The following DNAI2 variants were observed in gnomAD, a reference collection of about 807,000 sequenced individuals.
DNAI2 encodes the protein dynein, axonemal, intermediate polypeptide 2.
DNAI2 carries 63 observed loss-of-function variants against 74.7 expected under a neutral mutation model. The observed-to-expected ratio is 0.84, with a 90% CI of 0.69 to 1.04. The LOEUF is 1.04. DNAI2 is among the 50% of genes least tolerant of loss of function. DNAI2 has a pLI of 0.00. For synonymous variants in DNAI2, 289 were observed against 314.9 expected (o/e 0.92, Z 0.87); for missense variants, 688 against 803.2 (o/e 0.86, Z 1.73).
In DNAI2 at chr17:74,305,244, A is replaced by T; in HGVS notation, c.1013A>T (p.Glu338Val). ...CCCACCAAGTTCATGGTGGGGACCGAGCAGGGCATCGTCATCTCCTGCAAC... is the reference window on the plus strand; with the variant it reads ...CCCACCAAGTTCATGGTGGGGACCGTGCAGGGCATCGTCATCTCCTGCAAC... ...TLPTKFMVGT[E>V]QGIVISCNRK... Residue 338 changes from glutamate (E) to valine (V), a missense_variant, in exon 9 of 14, where the codon GAG becomes GTG. Physicochemically the swap from Glu to Val is moderately radical, Grantham distance 121. Coordinates refer to ENST00000311014, the MANE Select transcript of DNAI2 (RefSeq NM_023036.6). 1.2e-6 allele frequency: 2 copies of T among 1,614,134 alleles called. No individual in the cohort carries two copies. Among genetic ancestry groups the T allele is most frequent in the Non-Finnish European group, 1.7e-6 (2 of 1,180,022 alleles).
chr17:74,299,987 T>G, intron 7 of DNAI2, 130 bp downstream of exon 7: 1 of 1,396,858 alleles, frequency 7.2e-7, no homozygotes. Context: ...TCACTCTTGT[T>G]GCCCAGGCTG....
In DNAI2 at chr17:74,285,139, C is replaced by T. The variant is rs779268065; in HGVS notation, c.283C>T (p.Arg95Cys). ...VNPLELEQTI[R>C]FRKKVEKDEN... ...CCCCCTGGAGCTGGAGCAGACCATC[C>T]GTTTCCGGAAGAAAGTGGAGAAAGA... Residue 95 changes from arginine (R) to cysteine (C), a missense_variant, in exon 3 of 14, where the codon CGT (arginine) becomes TGT (cysteine). Transcript: ENST00000311014. 4.3e-6 allele frequency: 7 copies of T among 1,614,094 alleles called. No individual in the cohort carries two copies. Among genetic ancestry groups the T allele is most frequent in the African/African-American group, 2.7e-5 (2 of 74,930 alleles).
intron 1 of DNAI2, 198 bp from the exon 2 acceptor site, chr17:74,281,609 A>C (rs1295916712): frequency 1.6e-6 from 1 of 617,270 alleles, no homozygotes; most frequent in East Asian, 2.7e-5. Context: ...AAACAGGGTA[A>C]TGCTTAGCAT....
intron 6 of DNAI2, among the ~76,000 whole-genome samples, chr17:74,295,331 G>A (rs1027619903): frequency 2.0e-5 from 3 of 151,970 alleles, no homozygotes; most frequent in Admixed American, 1.3e-4. Context: ...GAACCCAGGA[G>A]GCAGAGGTTG....
rs771816059 is a variant in DNAI2 at position 74,312,224 on chromosome 17, A to C, written c.1716A>C (p.Pro572=). The change falls in exon 12 of 14, where the codon CCA becomes CCC. Residue 572 remains proline (P), a synonymous_variant. Coordinates refer to ENST00000311014, the MANE Select transcript of DNAI2 (RefSeq NM_023036.6). ...AGGCAGACGCCATAAAGCTGACGCC[A>C]GTGCCTGTAGGGGCCTGGACAGGGG... is the stretch of plus-strand genomic sequence containing the variant. The part of the protein sequence containing the change: ...KKEADAIKLT[P]VPQQPSPEED... 2 of 1,556,896 alleles carry C rather than the reference A, an allele frequency of 1.3e-6. No homozygotes were observed. Among genetic ancestry groups the C allele is most frequent in the African/African-American group, 3.1e-5 (2 of 64,618 alleles).
At chr17:74,278,721 G>A (rs931906655) in intron 1 of DNAI2, among the ~76,000 whole-genome samples, 4 of 151,694 alleles carry the variant, frequency 2.6e-5, no homozygotes, top group African/African-American at 9.7e-5. Flanking sequence ...AGGTTGCAGT[G>A]AGCAGATATG....
intron 11 of DNAI2, among the ~76,000 whole-genome samples, chr17:74,311,753 G>A (rs561234655): frequency 7.2e-5 from 11 of 152,294 alleles, no homozygotes; most frequent in South Asian, 4.1e-4. Flanking sequence ...TCCAAAGGGC[G>A]CTCTTCTGCC....
At position 74,291,143 on chromosome 17, in the gene DNAI2, G is replaced by C; in HGVS notation, c.724+10G>C. 1 of 1,573,612 alleles carries C rather than the reference G, an allele frequency of 6.4e-7. No individual in the cohort carries two copies. The highest frequency in any genetic ancestry group is 8.7e-7 in the Non-Finnish European group (1 of 1,147,148). ...TACAATGGACAGATAGGTAAGGAGGGACCTAGGCTTTTTTATTTTTATTTT... is the reference window on the plus strand; with the variant it reads ...TACAATGGACAGATAGGTAAGGAGGCACCTAGGCTTTTTTATTTTTATTTT... On this transcript the variant is annotated intron_variant, in intron 6 of 13. Coordinates refer to ENST00000311014, the MANE Select transcript of DNAI2 (RefSeq NM_023036.6).
intron 2 of DNAI2, 86 bp from the exon 3 acceptor site, chr17:74,284,954 C>A: frequency 6.4e-7 from 1 of 1,572,940 alleles, no homozygotes; most frequent in Admixed American, 1.7e-5. Flanking sequence ...GCCCTGGGAG[C>A]CCCCGTGGGA....
chr17:74,314,067 G>T (rs1021548357), intron 12 of DNAI2, 54 bp from the exon 13 acceptor site: 13 of 1,612,396 alleles, frequency 8.1e-6, no homozygotes, highest in Non-Finnish European at 1.1e-5. Flanking sequence ...CAGGGGAGTG[G>T]GGAAGGCCTG....
intron 1 of DNAI2, among the ~76,000 whole-genome samples, chr17:74,280,981 G>T (rs1216166975): frequency 6.6e-6 from 1 of 151,310 alleles, no homozygotes; most frequent in African/African-American, 2.4e-5. Context: ...CCAGCTACTT[G>T]GGAGGCTGAG....
rs987120398 is a variant in DNAI2 at position 74,312,846 on chromosome 17, C to T, written c.1722+616C>T. On this transcript the variant is annotated intron_variant, in intron 12 of 13. Transcript: ENST00000311014. ...TCTTCCAGGCCCTCTTTTGTACCAG[C>T]GGAGAGAGGAAGAAAAGACATTGCC... Among the ~76,000 whole-genome samples, 9 of 152,250 alleles carry T rather than the reference C, an allele frequency of 5.9e-5. 1 individual carries two copies. Among genetic ancestry groups the T allele is most frequent in the East Asian group, 1.9e-4 (1 of 5,184 alleles).
At chr17:74,279,874 G>C (rs1373584051) in intron 1 of DNAI2, among the ~76,000 whole-genome samples, 2 of 152,134 alleles carry the variant, frequency 1.3e-5, no homozygotes, top group Admixed American at 6.5e-5. Flanking sequence ...ATCTACCAAG[G>C]CAAGCTCTCC....
chr17:74,314,174 G>GGGGGAAGAAGGGGATGAAGAA lies in DNAI2; in HGVS notation c.1778_1798dup (p.Gly593_Glu599dup). On this transcript the variant is annotated inframe_insertion, in exon 13 of 14. Transcript: ENST00000311014. ...TGGTGGAGGAGGGAGAGGAAGCAGC[G>GGGGGAAGAAGGGGATGAAGAA]GGGGAAGAAGGGGATGAAGAAGTGG... The GGGGGAAGAAGGGGATGAAGAA allele has an allele frequency of 6.2e-7, 1 of 1,614,198 alleles. No homozygotes were observed. The highest frequency in any genetic ancestry group is 8.5e-7 in the Non-Finnish European group (1 of 1,180,006).
chr17:74,314,337 G>A lies in DNAI2; in HGVS notation c.*55+66G>A, dbSNP rs2054400. ...TTAAAGCAGCACTGGGTGGTGGGCT[G>A]GGAGCATCGGGCCCTGACTCCCCAG... is the stretch of plus-strand genomic sequence containing the variant. On this transcript the variant is annotated intron_variant, in intron 13 of 13. Coordinates refer to ENST00000311014, the MANE Select transcript of DNAI2 (RefSeq NM_023036.6). The A allele has an allele frequency of 0.93, 1,480,612 of 1,586,508 alleles. 693,774 individuals are homozygous for A. The highest frequency in any genetic ancestry group is 0.98 in the East Asian group (42,599 of 43,374).
rs757805725 is a variant in DNAI2, at chr17:74,305,393, GC to G, written c.1165del (p.Arg389AlafsTer30). ...CTTCCTGACGGTTGGCGACTGGACAGCCCGCATTTGGTCTGAAGACAGCCGG... is the reference window on the plus strand; with the variant it reads ...CTTCCTGACGGTTGGCGACTGGACAGCCGCATTTGGTCTGAAGACAGCCGG... ...KNFLTVGDWT[A>X]RIWSEDSRES... is the part of the protein sequence containing the mutation. On this transcript the variant is annotated frameshift_variant, in exon 9 of 14. Coordinates refer to ENST00000311014, the MANE Select transcript of DNAI2 (RefSeq NM_023036.6). LOFTEE classifies it high-confidence loss of function. The G allele has an allele frequency of 6.2e-7, 1 of 1,614,194 alleles. No individual in the cohort carries two copies. Among genetic ancestry groups the G allele is most frequent in the South Asian group, 1.1e-5 (1 of 91,080 alleles).
In DNAI2 at chr17:74,292,811, G is replaced by GCTTATTGTC. The variant is rs2052195043; in HGVS notation, c.724+1680_724+1688dup. Among the ~76,000 whole-genome samples the GCTTATTGTC allele has an allele frequency of 6.7e-5, 10 of 149,912 alleles. No individual in the cohort carries two copies. The South Asian group carries it at 2.1e-3, about 32-fold the overall frequency. ...TGAGCACTTGAGAAGACTATATTCT[G>GCTTATTGTC]CTTATTGTCCGGTGTAGTTTTCCTT... On this transcript the variant is annotated intron_variant, in intron 6 of 13. Transcript: ENST00000311014.
rs907013660 is a variant in DNAI2, at chr17:74,305,588, G to A, written c.1211+146G>A. ...AACACCCGAGCTCGTGTTAGCAAGTGACTTGCTCCAGCCACTCCACAAAGT... is the reference window on the plus strand; with the variant it reads ...AACACCCGAGCTCGTGTTAGCAAGTAACTTGCTCCAGCCACTCCACAAAGT... On this transcript the variant is annotated intron_variant, in intron 9 of 13. Transcript: ENST00000311014. 3 of 673,662 alleles carry A rather than the reference G, an allele frequency of 4.5e-6. No homozygotes were observed. In the African/African-American group the frequency reaches 5.5e-5, roughly 12 times the overall value. The allele number at this position is 673,662 out of a possible 1,614,324, so 41.7% of individuals were successfully genotyped here. A position where few individuals can be genotyped will look rare whatever the true frequency, so the allele number is the denominator to read the frequency against.
chr17:74,298,182 AG>A (rs1297605808), intron 6 of DNAI2, among the ~76,000 whole-genome samples: 2 of 152,246 alleles, frequency 1.3e-5, no homozygotes, highest in Non-Finnish European at 2.9e-5. Flanking sequence ...ATACCAGCCC[AG>A]ACTCTGGTGC....
Sources: gnomAD v4.1 joint callset for allele counts (sites outside exome capture counted in the v4.1 genomes callset) on GRCh38, gnomAD v4.1.1 for gene constraint, MANE v1.5 for transcripts, NCBI Gene and HGNC (gene_info 2026-07-23, HGNC 2026-07-21) for gene names.